Variants in SYTL3 observed in about 807,000 individuals in gnomAD.
SYTL3 encodes synaptotagmin like 3, also known as synaptotagmin-like protein 3.
A neutral mutation model predicts 82.1 loss-of-function variants in SYTL3; 88 were observed. The ratio of observed to expected loss-of-function variants is 1.07; its 90% CI spans 0.90 to 1.28. The LOEUF (loss-of-function observed/expected upper bound fraction) is 1.28. Among genes scored for constraint, SYTL3 ranks in the 50% most tolerant of loss-of-function variants. The pLI, the probability that SYTL3 is intolerant of heterozygous loss-of-function variation, is 0.00. For missense variants in SYTL3, 831 were observed against 757.6 expected (o/e 1.10, Z -1.14); for synonymous variants, 311 against 289.4 (o/e 1.07, Z -0.76).
At chr6:158,687,448 A>G (rs1182566825) in intron 6 of SYTL3, among the ~76,000 whole-genome samples, 1 of 152,180 alleles carries the variant, frequency 6.6e-6, no homozygotes, top group Admixed American at 6.5e-5. Flanking sequence ...CATTTCTGCT[A>G]TGCCCTATGG....
intron 11 of SYTL3, among the ~76,000 whole-genome samples, chr6:158,737,790 G>A (rs1408419761): frequency 1.3e-5 from 2 of 152,194 alleles, no homozygotes; most frequent in African/African-American, 4.8e-5. Flanking sequence ...ATGGATGGAC[G>A]TGCTCTGCTC....
chr6:158,712,148 A>G (rs749753978), intron 8 of SYTL3, among the ~76,000 whole-genome samples: 139 of 152,310 alleles, frequency 9.1e-4, no homozygotes, highest in Middle Eastern at 6.8e-3. Flanking sequence ...CTGGAGTCCA[A>G]TGGCCAATCA....
At chr6:158,700,802 G>A (rs1384030144) in intron 6 of SYTL3, among the ~76,000 whole-genome samples, 1 of 152,154 alleles carries the variant, frequency 6.6e-6, no homozygotes, top group Non-Finnish European at 1.5e-5. Flanking sequence ...ACTTTTAGTA[G>A]AGACGGGGTT....
chr6:158,738,442 TAGA>T (rs1015338871), intron 11 of SYTL3, among the ~76,000 whole-genome samples: 1 of 152,174 alleles, frequency 6.6e-6, no homozygotes, highest in African/African-American at 2.4e-5. Context: ...CCACCCGCAA[TAGA>T]AGAAGCTGAT....
At chr6:158,669,679 G>A (rs1777141045) in intron 5 of SYTL3, among the ~76,000 whole-genome samples, 1 of 152,236 alleles carries the variant, frequency 6.6e-6, no homozygotes, top group African/African-American at 2.4e-5. Context: ...TTGAAAAATT[G>A]ATCCAGACCT....
chr6:158,735,220 T>C (rs542075584), intron 11 of SYTL3, among the ~76,000 whole-genome samples: 2 of 152,270 alleles, frequency 1.3e-5, no homozygotes, highest in African/African-American at 4.8e-5. Flanking sequence ...TTAGGGACTT[T>C]TTGTTGGAAA....
rs980854141 is a variant in SYTL3 at position 158,725,855 on chromosome 6, G to A, written c.855+218G>A. ...GGCCTGTGTCTTGGAGTTACTCCAG[G>A]TGTGTCAGCAGATTCATTATCAATC... is the stretch of plus-strand genomic sequence containing the variant. On this transcript the variant is annotated intron_variant, in intron 11 of 17. Transcript: ENST00000611299. 26 of 713,134 alleles carry A rather than the reference G, an allele frequency of 3.6e-5. 1 individual carries two copies. Among genetic ancestry groups the A allele is most frequent in the Non-Finnish European group, 5.6e-5 (22 of 395,820 alleles). 44.2% of individuals were successfully genotyped at this position (713,134 alleles called of 1,614,324 possible).
intron 12 of SYTL3, 91 bp downstream of exon 12, chr6:158,745,749 T>TAA: frequency 1.1e-6 from 1 of 951,572 alleles, no homozygotes; most frequent in Non-Finnish European, 1.4e-6. Flanking sequence ...AAGACAATTA[T>TAA]TAAAAAAAAA....
At chr6:158,698,287 C>T (rs2128435523) in intron 6 of SYTL3, among the ~76,000 whole-genome samples, 1 of 151,098 alleles carries the variant, frequency 6.6e-6, no homozygotes, top group South Asian at 2.1e-4. Flanking sequence ...ATCCCAGCTA[C>T]ACAGGAGGCT....
upstream of SYTL3, among the ~76,000 whole-genome samples, chr6:158,645,657 A>C (rs750872580): frequency 5.9e-5 from 9 of 152,108 alleles, no homozygotes; most frequent in Non-Finnish European, 1.3e-4. Context: ...ACCCCAGTTA[A>C]AGATTGATAT....
In SYTL3 at chr6:158,686,133, G is replaced by C. The variant is rs1181946555; in HGVS notation, c.394+3144G>C. 8.5e-5 allele frequency among the ~76,000 whole-genome samples: 13 copies of C among 152,354 alleles called. No homozygotes were observed. The East Asian group carries it at 2.5e-3, about 29-fold the overall frequency. On this transcript the variant is annotated intron_variant, in intron 6 of 17. Transcript: ENST00000611299. ...TTTCAGCACTTCATGTCTCCTGAGT[G>C]AGTGGGAGAAGTATGTTATCAAGGT...
intron 12 of SYTL3, among the ~76,000 whole-genome samples, chr6:158,747,398 G>A (rs1462134851): frequency 6.6e-6 from 1 of 151,654 alleles, no homozygotes; most frequent in Non-Finnish European, 1.5e-5. Flanking sequence ...TTCTTGCTTT[G>A]TCACCCAGCT....
At chr6:158,715,076 T>A (rs763949026) in intron 9 of SYTL3, among the ~76,000 whole-genome samples, 1 of 152,200 alleles carries the variant, frequency 6.6e-6, no homozygotes, top group Non-Finnish European at 1.5e-5. Context: ...CTGTGCCCCT[T>A]GGCCTGGAAC....
intron 11 of SYTL3, chr6:158,726,065 A>G (rs1490454863): frequency 9.6e-6 from 5 of 521,616 alleles, no homozygotes; most frequent in African/African-American, 3.9e-5. Flanking sequence ...TACAGGATCA[A>G]TGTAGTGAAA....
intron 6 of SYTL3, among the ~76,000 whole-genome samples, chr6:158,706,025 C>T (rs1562401330): frequency 6.6e-6 from 1 of 152,094 alleles, no homozygotes; most frequent in African/African-American, 2.4e-5. Flanking sequence ...AGCTTTGGTC[C>T]CTGACCAGCT....
intron 6 of SYTL3, among the ~76,000 whole-genome samples, chr6:158,694,593 C>A (rs1379473655): frequency 6.6e-6 from 1 of 152,164 alleles, no homozygotes; most frequent in African/African-American, 2.4e-5. Flanking sequence ...CTGCACCTGG[C>A]TGATTTTATT....
intron 6 of SYTL3, among the ~76,000 whole-genome samples, chr6:158,700,995 C>T (rs909135625): frequency 1.1e-4 from 16 of 152,160 alleles, no homozygotes; most frequent in Non-Finnish European, 1.8e-4. Context: ...GAAGATGAGG[C>T]CATGTCCTCA....
chr6:158,668,638 T>G (rs929067103), intron 5 of SYTL3, among the ~76,000 whole-genome samples: 3 of 152,130 alleles, frequency 2.0e-5, no homozygotes, highest in Non-Finnish European at 4.4e-5. Flanking sequence ...TCTGCCTGGT[T>G]TTGCAGGGCA....
chr6:158,709,116 C>T (rs1782460114), intron 8 of SYTL3, among the ~76,000 whole-genome samples: 1 of 152,072 alleles, frequency 6.6e-6, no homozygotes, highest in Non-Finnish European at 1.5e-5. Flanking sequence ...ACCTGTAGTC[C>T]CAGCTACTCT....
Sources: gnomAD v4.1 joint callset for allele counts (sites outside exome capture counted in the v4.1 genomes callset) on GRCh38, gnomAD v4.1.1 for gene constraint, MANE v1.5 for transcripts, NCBI Gene and HGNC (gene_info 2026-07-23, HGNC 2026-07-21) for gene names.